CMIP: variants seen among roughly 807,000 people sequenced by gnomAD.
CMIP encodes C-Maf-inducing protein.
Under a neutral mutation model 97.3 loss-of-function variants are expected in CMIP, and 13 were observed. The observed-to-expected ratio is 0.13, with a 90% CI of 0.09 to 0.21. The LOEUF is 0.21. Among genes scored for constraint, CMIP ranks in the 10% least tolerant of loss-of-function variants. The pLI is 1.00. For synonymous variants in CMIP, 538 were observed against 436.3 expected, an observed-to-expected ratio of 1.23 and a Z score of -2.91; for missense variants, 847 against 1,024.9, an observed-to-expected ratio of 0.83 and a Z score of 2.37.
intron 19 of CMIP, among the ~76,000 whole-genome samples, chr16:81,706,625 C>G (rs924624763): frequency 2.0e-5 from 3 of 152,226 alleles, no homozygotes; most frequent in Non-Finnish European, 4.4e-5. Context: ...GGCTTGCTTT[C>G]AAGAAGCAGC....
Position 81,701,819 on chromosome 16 carries a change from C to T in CMIP, c.1896+19C>T, listed in dbSNP as rs374171062. 40 of 1,612,430 alleles carry T rather than the reference C, an allele frequency of 2.5e-5. No homozygotes were observed. Among genetic ancestry groups the T allele is most frequent in the African/African-American group, 1.1e-4 (8 of 74,914 alleles). On this transcript the variant is annotated intron_variant, in intron 16 of 20. Coordinates refer to ENST00000537098, the MANE Select transcript of CMIP (RefSeq NM_198390.3). ...GGAGCTGGTGAGTCCCCGGCTGCTCCGGACCACTCCCCTGCCCAGCAGGCC... is the reference window on the plus strand; with the variant it reads ...GGAGCTGGTGAGTCCCCGGCTGCTCTGGACCACTCCCCTGCCCAGCAGGCC...
At chr16:81,569,121 C>A (rs2091037100) in intron 1 of CMIP, among the ~76,000 whole-genome samples, 1 of 152,214 alleles carries the variant, frequency 6.6e-6, no homozygotes, top group Non-Finnish European at 1.5e-5. Flanking sequence ...CTTCTGGGTG[C>A]ATAATCGCCC....
At chr16:81,576,967 C>T (rs1490712530) in intron 1 of CMIP, among the ~76,000 whole-genome samples, 1 of 152,140 alleles carries the variant, frequency 6.6e-6, no homozygotes, top group Non-Finnish European at 1.5e-5. Flanking sequence ...CTGTCATCAT[C>T]ACCACCACTA....
intron 1 of CMIP, among the ~76,000 whole-genome samples, chr16:81,599,964 T>G (rs1597132741): frequency 6.6e-6 from 1 of 151,988 alleles, no homozygotes; most frequent in South Asian, 2.1e-4. Flanking sequence ...GCATAGCAGG[T>G]GTCCTTCCTT....
At chr16:81,695,969 T>G in intron 13 of CMIP, 1 of 150,218 alleles carries the variant, frequency 6.7e-6, no homozygotes, top group Non-Finnish European at 1.5e-5. Context: ...GAGGGGAGGA[T>G]GGTGCCTGCA....
At chr16:81,488,640 G>A (rs762637372) in intron 1 of CMIP, among the ~76,000 whole-genome samples, 7 of 152,066 alleles carry the variant, frequency 4.6e-5, no homozygotes, top group Non-Finnish European at 1.0e-4. Context: ...TCTCCTTGGT[G>A]GCACTCCTGG....
At chr16:81,454,160 C>T (rs182364212) in intron 1 of CMIP, among the ~76,000 whole-genome samples, 5 of 152,244 alleles carry the variant, frequency 3.3e-5, no homozygotes, top group African/African-American at 1.2e-4. Context: ...TGAGCAAATC[C>T]GTTGTAAGAG....
In CMIP at chr16:81,513,040, T is replaced by G. The variant is rs139542674; in HGVS notation, c.300+67499T>G. On this transcript the variant is annotated intron_variant, in intron 1 of 20. Coordinates refer to ENST00000537098, the MANE Select transcript of CMIP (RefSeq NM_198390.3). ...GCGTGAGCCACCATGTCCGGCTTAT[T>G]TGATGAATTTCAATTCCTTGCAGTT... Among the ~76,000 whole-genome samples, 395 of 152,334 alleles carry G rather than the reference T, an allele frequency of 2.6e-3. 1 individual carries two copies. The highest frequency in any genetic ancestry group is 2.4e-3 in the Non-Finnish European group (166 of 68,016).
At chr16:81,618,240 G>C (rs866433014) in intron 2 of CMIP, among the ~76,000 whole-genome samples, 3 of 152,164 alleles carry the variant, frequency 2.0e-5, no homozygotes, top group Non-Finnish European at 4.4e-5. Flanking sequence ...GTTCCTTCTG[G>C]AGGCTCTCGG....
intron 1 of CMIP, among the ~76,000 whole-genome samples, chr16:81,528,480 G>A (rs751208642): frequency 1.3e-5 from 2 of 152,202 alleles, no homozygotes; most frequent in Non-Finnish European, 2.9e-5. Context: ...GAGGTGGAGC[G>A]TGGAGCTGGT....
chr16:81,516,721 C>T (rs1018413434), intron 1 of CMIP, among the ~76,000 whole-genome samples: 2 of 152,246 alleles, frequency 1.3e-5, no homozygotes, highest in Non-Finnish European at 2.9e-5. Flanking sequence ...GGGACCAGGG[C>T]TGGCTAGTGT....
chr16:81,597,643 G>T (rs2091582691), intron 1 of CMIP, among the ~76,000 whole-genome samples: 1 of 151,968 alleles, frequency 6.6e-6, no homozygotes, highest in Non-Finnish European at 1.5e-5. Flanking sequence ...TAGAGCAGGG[G>T]GCGGGACACC....
chr16:81,562,153 A>C (rs1430080337), intron 1 of CMIP, among the ~76,000 whole-genome samples: 1 of 152,218 alleles, frequency 6.6e-6, no homozygotes, highest in Non-Finnish European at 1.5e-5. Flanking sequence ...TTATGAGATG[A>C]GGATGCAGCC....
chr16:81,552,434 G>A (rs1018341739), intron 1 of CMIP, among the ~76,000 whole-genome samples: 13 of 152,158 alleles, frequency 8.5e-5, no homozygotes, highest in Non-Finnish European at 1.9e-4. Context: ...GCTATGTTAG[G>A]TGGGCTATGT....
In CMIP at chr16:81,711,537, C is replaced by CA. The variant is rs1288739467; in HGVS notation, c.*1739dup. 1 of 147,438 alleles carries CA rather than the reference C, an allele frequency of 6.8e-6. No homozygotes were observed. Among genetic ancestry groups the CA allele is most frequent in the Non-Finnish European group, 1.5e-5 (1 of 67,512 alleles). The allele number at this position is 147,438 out of a possible 1,614,324, so 9.1% of individuals were successfully genotyped here. ...CTTTCCCCCCTCCGGTCCCATACTT[C>CA]ACAGCACTCTGGTGCGGGAAGAAGC... On this transcript the variant is annotated 3_prime_UTR_variant, in exon 21 of 21. Transcript: ENST00000537098.
Position 81,568,024 on chromosome 16 carries a change from A to AGTGTGTGT in CMIP, c.301-39534_301-39527dup, listed in dbSNP as rs555314806. Among the ~76,000 whole-genome samples the AGTGTGTGT allele has an allele frequency of 8.7e-3, 968 of 111,514 alleles. 12 individuals are homozygous for AGTGTGTGT. The highest frequency in any genetic ancestry group is 0.014 in the Middle Eastern group (3 of 210). The allele number at this position is 111,514 out of a possible 152,430, so 73.2% of individuals were successfully genotyped here. A position where few individuals can be genotyped will look rare whatever the true frequency, so the allele number is the denominator to read the frequency against. ...TAGACTGGATGACCGTGAGCTTTTCAGTGTGTGTGTGTGTGTTTTTTTTTT... is the reference window on the plus strand; with the variant it reads ...TAGACTGGATGACCGTGAGCTTTTCAGTGTGTGTGTGTGTGTGTGTGTGTTTTTTTTTT... On this transcript the variant is annotated intron_variant, in intron 1 of 20. Coordinates refer to ENST00000537098, the MANE Select transcript of CMIP (RefSeq NM_198390.3).
intron 19 of CMIP, among the ~76,000 whole-genome samples, chr16:81,706,216 C>T (rs907618821): frequency 2.0e-5 from 3 of 152,202 alleles, no homozygotes; most frequent in African/African-American, 7.2e-5. Context: ...TTTCCAGGCC[C>T]ACTGCTTTAG....
intron 1 of CMIP, among the ~76,000 whole-genome samples, chr16:81,491,633 G>C (rs765020994): frequency 6.6e-5 from 10 of 152,202 alleles, no homozygotes; most frequent in Admixed American, 3.9e-4. Flanking sequence ...GAATGGGTTT[G>C]GATGTATTTT....
rs74744674 is a variant in CMIP, at chr16:81,653,037, G to A, written c.639+673G>A. Among the ~76,000 whole-genome samples the A allele has an allele frequency of 3.3e-4, 51 of 152,304 alleles. No individual in the cohort carries two copies. The East Asian group carries it at 8.5e-3, about 25-fold the overall frequency. ...TGAAACTCATCAGCGAGTCTGTCCCGCTGTTGGTTAGGCAGAAGGCGCTTC... is the reference window on the plus strand; with the variant it reads ...TGAAACTCATCAGCGAGTCTGTCCCACTGTTGGTTAGGCAGAAGGCGCTTC... On this transcript the variant is annotated intron_variant, in intron 4 of 20. Transcript: ENST00000537098.
Sources: allele counts gnomAD v4.1 joint callset (sites outside exome capture counted in the v4.1 genomes callset), GRCh38; gene constraint gnomAD v4.1.1; transcripts MANE v1.5; gene names NCBI Gene and HGNC (gene_info 2026-07-23, HGNC 2026-07-21).